The following ZDHHC18 variants were observed in gnomAD, a reference collection of about 807,000 sequenced individuals.
ZDHHC18 encodes the protein palmitoyltransferase ZDHHC18.
A neutral mutation model predicts 37.5 loss-of-function variants in ZDHHC18; 23 were observed. That is an observed-to-expected ratio of 0.61 (90% CI 0.44 to 0.87). The LOEUF is 0.87. ZDHHC18 is among the 40% of genes least tolerant of loss of function. The probability of loss-of-function intolerance (pLI) is 0.00; values close to 1 mark genes in which losing one functional copy is unlikely to be tolerated. For synonymous variants in ZDHHC18, 185 were observed against 218.7 expected (o/e 0.85, Z 1.36); for missense variants, 406 against 525.6 (o/e 0.77, Z 2.22).
In ZDHHC18 at chr1:26,844,525, A is replaced by T. The variant is rs571619994; in HGVS notation, c.497-4083A>T. On this transcript the variant is annotated intron_variant, in intron 2 of 7. Coordinates refer to ENST00000374142, the MANE Select transcript of ZDHHC18 (RefSeq NM_032283.3). ...ATTATTGCTGTGAACATCCTTGTGCATGTCTTTCAGAGCACATTATCTCAT... is the reference window on the plus strand; with the variant it reads ...ATTATTGCTGTGAACATCCTTGTGCTTGTCTTTCAGAGCACATTATCTCAT... Among the ~76,000 whole-genome samples, 87 of 152,238 alleles carry T rather than the reference A, an allele frequency of 5.7e-4. 1 individual carries two copies. The highest frequency in any genetic ancestry group is 2.0e-3 in the African/African-American group (85 of 41,544).
At position 26,850,591 on chromosome 1, in the gene ZDHHC18, A is replaced by G; in HGVS notation, c.818A>G (p.Lys273Arg). 6.2e-7 allele frequency: 1 copy of G among 1,614,126 alleles called. No individual in the cohort carries two copies. The highest frequency in any genetic ancestry group is 1.1e-5 in the South Asian group (1 of 91,074). ...GGAAGCAACTTCCTCTCCACTCTGA[A>G]GGAGACACCAGCAAGATATCCTTTG... ...AQGSNFLSTL[K>R]ETPASVLELV... Residue 273 changes from lysine (K) to arginine (R), a missense_variant, in exon 5 of 8, where the codon AAG becomes AGG. By Grantham distance (26) the Lys-to-Arg change is conservative. Transcript: ENST00000374142. The surrounding 1 kb of genome is among the most constrained non-coding windows in gnomAD (Gnocchi z 6.1).
At chr1:26,837,926 C>T (rs2081621070) in intron 2 of ZDHHC18, among the ~76,000 whole-genome samples, 1 of 152,170 alleles carries the variant, frequency 6.6e-6, no homozygotes, top group South Asian at 2.1e-4. Flanking sequence ...CTTGTGCTGT[C>T]CCCGCCTGCC....
At chr1:26,841,547 C>T (rs1050741008) in intron 2 of ZDHHC18, among the ~76,000 whole-genome samples, 1 of 152,164 alleles carries the variant, frequency 6.6e-6, no homozygotes, top group Non-Finnish European at 1.5e-5. Flanking sequence ...GTTTCTGGCT[C>T]CAAAGCCTAT....
intron 3 of ZDHHC18, among the ~76,000 whole-genome samples, chr1:26,849,302 C>T (rs936034472): frequency 2.0e-5 from 3 of 152,192 alleles, no homozygotes; most frequent in Non-Finnish European, 4.4e-5. Flanking sequence ...TGTCCCCTCT[C>T]CCTGCTCTCC....
At chr1:26,836,420 T>G (rs2081611676) in intron 2 of ZDHHC18, among the ~76,000 whole-genome samples, 1 of 152,046 alleles carries the variant, frequency 6.6e-6, no homozygotes, top group Admixed American at 6.6e-5. Context: ...CCCAAATTTG[T>G]TCTCCCCACC....
chr1:26,848,059 T>C (rs1009428544), intron 2 of ZDHHC18, among the ~76,000 whole-genome samples: 2 of 152,300 alleles, frequency 1.3e-5, no homozygotes, highest in East Asian at 3.9e-4. Flanking sequence ...ACTCCTATAA[T>C]CCTGGCTGTT....
At position 26,849,431 on chromosome 1, in the gene ZDHHC18, A is replaced by G. The variant is rs537902683; in HGVS notation, c.646+674A>G. Among the ~76,000 whole-genome samples the G allele has an allele frequency of 1.2e-4, 19 of 152,324 alleles. No individual in the cohort carries two copies. In the East Asian group the frequency reaches 3.5e-3, roughly 28 times the overall value. On this transcript the variant is annotated intron_variant, in intron 3 of 7. Coordinates refer to ENST00000374142, the MANE Select transcript of ZDHHC18 (RefSeq NM_032283.3). ...GCATAGTTCCCAGGGCAGTGAGCTC[A>G]TCATGCCAGCTCAGTACTCCCTAAG...
intron 1 of ZDHHC18, among the ~76,000 whole-genome samples, chr1:26,827,397 C>T (rs1018504150): frequency 2.7e-5 from 4 of 148,044 alleles, no homozygotes; most frequent in Non-Finnish European, 4.5e-5. Flanking sequence ...CCCCTCCATT[C>T]TCCCTGACCC....
intron 1 of ZDHHC18, among the ~76,000 whole-genome samples, chr1:26,828,119 G>A (rs2081567549): frequency 6.6e-6 from 1 of 151,994 alleles, no homozygotes; most frequent in Non-Finnish European, 1.5e-5. Flanking sequence ...ATGGATGGAG[G>A]GTCATATATT....
chr1:26,848,909 CAGG>C, intron 3 of ZDHHC18, 152 bp downstream of exon 3: 1 of 1,123,640 alleles, frequency 8.9e-7, no homozygotes, highest in East Asian at 2.6e-5. Context: ...TGCCCTGACT[CAGG>C]AGGGCCCAGG....
At chr1:26,842,386 C>T (rs1258694451) in intron 2 of ZDHHC18, among the ~76,000 whole-genome samples, 2 of 152,218 alleles carry the variant, frequency 1.3e-5, no homozygotes. Flanking sequence ...GAGTTACTAT[C>T]GTTTCTATTT....
At chr1:26,835,473 C>T (rs966914944) in intron 2 of ZDHHC18, among the ~76,000 whole-genome samples, 4 of 152,102 alleles carry the variant, frequency 2.6e-5, no homozygotes, top group Non-Finnish European at 5.9e-5. Context: ...GAGGCCGAGG[C>T]GGGCGGATCA....
chr1:26,828,076 A>G (rs1309054274), intron 1 of ZDHHC18, among the ~76,000 whole-genome samples: 1 of 152,060 alleles, frequency 6.6e-6, no homozygotes, highest in East Asian at 1.9e-4. Context: ...TCCCCCGGTG[A>G]CCCAGGATTG....
At chr1:26,828,185 A>G (rs2081567754) in intron 1 of ZDHHC18, among the ~76,000 whole-genome samples, 1 of 151,026 alleles carries the variant, frequency 6.6e-6, no homozygotes, top group Non-Finnish European at 1.5e-5. Flanking sequence ...TTCCTTGCAC[A>G]CACACTCACA....
rs1004773067 is a variant in ZDHHC18 at position 26,848,555 on chromosome 1, C to T, written c.497-53C>T. The stretch of plus-strand genomic sequence containing the variant: ...CAGTAGCTTTCCCCTGCTGGGGATC[C>T]GGGCCCTGGGCTGCCTTGGGCATTC... On this transcript the variant is annotated intron_variant, in intron 2 of 7. Transcript: ENST00000374142. 6.1e-5 allele frequency: 96 copies of T among 1,581,546 alleles called. No individual in the cohort carries two copies. The African/African-American group carries it at 7.9e-4, about 13-fold the overall frequency.
At chr1:26,849,657 G>A (rs1197806822) in intron 3 of ZDHHC18, among the ~76,000 whole-genome samples, 1 of 152,246 alleles carries the variant, frequency 6.6e-6, no homozygotes, top group East Asian at 1.9e-4. Context: ...CACCCCCGGG[G>A]ACAGTGTGCA....
rs779174469 is a variant in ZDHHC18, at chr1:26,854,136, C to T, written c.*293C>T. ...ACACCAAGTCCTTGCCTGTGCCGGG[C>T]GAGCCCTGTGTGAGTGAGGCTGTGA... On this transcript the variant is annotated 3_prime_UTR_variant, in exon 8 of 8. Coordinates refer to ENST00000374142, the MANE Select transcript of ZDHHC18 (RefSeq NM_032283.3). The surrounding 1 kb of genome is among the most constrained non-coding windows in gnomAD (Gnocchi z 4.6). The T allele has an allele frequency of 6.6e-5, 24 of 364,704 alleles. No homozygotes were observed. The highest frequency in any genetic ancestry group is 2.1e-4 in the South Asian group (6 of 28,250). 22.6% of individuals were successfully genotyped at this position (364,704 alleles called of 1,614,324 possible).
chr1:26,836,742 G>C (rs376395785), intron 2 of ZDHHC18, among the ~76,000 whole-genome samples: 1 of 148,676 alleles, frequency 6.7e-6, no homozygotes, highest in African/African-American at 2.5e-5. Context: ...CTAATTTTTC[G>C]TATTTTTAGT....
intron 2 of ZDHHC18, among the ~76,000 whole-genome samples, chr1:26,837,259 A>AT (rs1553157548): frequency 0.048 from 6,857 of 143,700 alleles, 222 homozygotes; most frequent in Non-Finnish European, 0.068. Flanking sequence ...TCTCAAAAAA[A>AT]ATATATATAT....
Sources: allele counts gnomAD v4.1 joint callset (sites outside exome capture counted in the v4.1 genomes callset), GRCh38; gene constraint gnomAD v4.1.1; non-coding constraint Gnocchi (gnomAD v3.1); transcripts MANE v1.5; gene names NCBI Gene and HGNC (gene_info 2026-07-23, HGNC 2026-07-21).